GALNT17: variants seen among roughly 807,000 people sequenced by gnomAD.
GALNT17 encodes the protein polypeptide N-acetylgalactosaminyltransferase 17.
GALNT17 carries 29 observed loss-of-function variants against 63.7 expected under a neutral mutation model. The ratio of observed to expected loss-of-function variants is 0.46; its 90% CI spans 0.34 to 0.62. The LOEUF (loss-of-function observed/expected upper bound fraction) is 0.62, where lower values mean the gene tolerates loss of function less well. Among genes scored for constraint, GALNT17 ranks in the 20% least tolerant of loss-of-function variants. The pLI is 0.01. For missense variants in GALNT17, 603 were observed against 799.6 expected, an observed-to-expected ratio of 0.75 and a Z score of 2.97; for synonymous variants, 305 against 318.3, an observed-to-expected ratio of 0.96 and a Z score of 0.45.
chr7:71,376,283 G>T lies in GALNT17; in HGVS notation c.423-11952G>T, dbSNP rs376215205. On this transcript the variant is annotated intron_variant, in intron 2 of 10. Coordinates refer to ENST00000333538, the MANE Select transcript of GALNT17 (RefSeq NM_022479.3). ...GGATTGAATACTATGTAAGAATAACGTAGGCAGCATTTCCTGTGCATGCAC... is the reference window on the plus strand; with the variant it reads ...GGATTGAATACTATGTAAGAATAACTTAGGCAGCATTTCCTGTGCATGCAC... Among the ~76,000 whole-genome samples, 18 of 150,822 alleles carry T rather than the reference G, an allele frequency of 1.2e-4. 1 individual carries two copies. Among genetic ancestry groups the T allele is most frequent in the East Asian group, 9.7e-4 (5 of 5,148 alleles).
intron 9 of GALNT17, among the ~76,000 whole-genome samples, chr7:71,696,348 A>C (rs1393804044): frequency 6.6e-6 from 1 of 152,076 alleles, no homozygotes; most frequent in Non-Finnish European, 1.5e-5. Flanking sequence ...CCTAGCCTCA[A>C]GTGATCCTCC....
intron 3 of GALNT17, among the ~76,000 whole-genome samples, chr7:71,403,615 C>T (rs1046545896): frequency 1.3e-5 from 2 of 152,152 alleles, no homozygotes; most frequent in East Asian, 1.9e-4. Flanking sequence ...ATGAGCATTT[C>T]GTTTGCGCAT....
chr7:71,495,723 C>T (rs1788083537), intron 5 of GALNT17, among the ~76,000 whole-genome samples: 1 of 152,166 alleles, frequency 6.6e-6, no homozygotes, highest in South Asian at 2.1e-4. Context: ...AGAGGCTGAT[C>T]ATTCCTCTGC....
At chr7:71,666,806 A>AT (rs754096589) in intron 7 of GALNT17, among the ~76,000 whole-genome samples, 91,108 of 152,044 alleles carry the variant, frequency 0.6, 28,400 homozygotes, top group East Asian at 0.99. Flanking sequence ...CTTTATTTGT[A>AT]TTTTTTATTG....
At chr7:71,307,901 A>T (rs1347172583) in intron 1 of GALNT17, 1 of 150,686 alleles carries the variant, frequency 6.6e-6, no homozygotes, top group African/African-American at 2.5e-5. Flanking sequence ...CTTCATTGGG[A>T]TGCTTAGATC....
chr7:71,216,566 A>C (rs1296362475), intron 1 of GALNT17, among the ~76,000 whole-genome samples: 1 of 137,610 alleles, frequency 7.3e-6, no homozygotes, highest in Admixed American at 7.2e-5. Flanking sequence ...TAACACACAT[A>C]TACACACACA....
chr7:71,595,148 G>A (rs1344080691), intron 6 of GALNT17, among the ~76,000 whole-genome samples: 2 of 152,170 alleles, frequency 1.3e-5, no homozygotes, highest in African/African-American at 4.8e-5. Flanking sequence ...AGGGTTGGAT[G>A]CAGTGGCCCA....
intron 5 of GALNT17, among the ~76,000 whole-genome samples, chr7:71,496,871 T>A (rs1393773027): frequency 6.6e-6 from 1 of 151,764 alleles, no homozygotes; most frequent in African/African-American, 2.4e-5. Flanking sequence ...GCCAGGAGTC[T>A]GAGACCAGCC....
At chr7:71,157,529 G>A (rs911086090) in intron 1 of GALNT17, among the ~76,000 whole-genome samples, 1 of 151,614 alleles carries the variant, frequency 6.6e-6, no homozygotes, top group South Asian at 2.1e-4. Context: ...ATGGTGGCAC[G>A]TCCCTATAAT....
At chr7:71,641,726 A>G (rs759301310) in intron 6 of GALNT17, among the ~76,000 whole-genome samples, 10 of 152,042 alleles carry the variant, frequency 6.6e-5, no homozygotes, top group African/African-American at 1.4e-4. Flanking sequence ...TGGACATTCA[A>G]TCCATTCCAG....
In GALNT17 at chr7:71,701,209, G is replaced by A. The variant is rs151309449; in HGVS notation, c.1501-9552G>A. On this transcript the variant is annotated intron_variant, in intron 9 of 10. Transcript: ENST00000333538. ...CTCAGAAAGAATATGACATTTGGCCGGTCACGATGGCTCACGCCTGTAATC... is the reference window on the plus strand; with the variant it reads ...CTCAGAAAGAATATGACATTTGGCCAGTCACGATGGCTCACGCCTGTAATC... 6.9e-3 allele frequency among the ~76,000 whole-genome samples: 1,057 copies of A among 152,216 alleles called. 14 individuals are homozygous for A. The highest frequency in any genetic ancestry group is 0.02 in the African/African-American group (835 of 41,536).
At chr7:71,209,457 G>T (rs889693395) in intron 1 of GALNT17, among the ~76,000 whole-genome samples, 2 of 152,066 alleles carry the variant, frequency 1.3e-5, no homozygotes, top group African/African-American at 4.8e-5. Flanking sequence ...CTTGCCCAAG[G>T]TTATATTTTA....
intron 6 of GALNT17, among the ~76,000 whole-genome samples, chr7:71,650,732 C>A (rs138709033): frequency 1.3e-5 from 2 of 152,306 alleles, no homozygotes; most frequent in African/African-American, 4.8e-5. Flanking sequence ...AAAGAAATGA[C>A]AGTAGAAGGA....
chr7:71,540,950 G>A (rs550818648), intron 5 of GALNT17, among the ~76,000 whole-genome samples: 3 of 152,032 alleles, frequency 2.0e-5, no homozygotes, highest in Admixed American at 1.3e-4. Flanking sequence ...CTAAAGAAAC[G>A]ATGGCCAGCC....
intron 3 of GALNT17, among the ~76,000 whole-genome samples, chr7:71,398,315 A>G (rs996225006): frequency 1.3e-5 from 2 of 151,822 alleles, no homozygotes; most frequent in Admixed American, 6.6e-5. Context: ...ATCTTTCGCT[A>G]TCTGATATTT....
intron 1 of GALNT17, among the ~76,000 whole-genome samples, chr7:71,209,356 T>C (rs1789333850): frequency 6.6e-6 from 1 of 152,194 alleles, no homozygotes; most frequent in South Asian, 2.1e-4. Flanking sequence ...TCTTTTCATA[T>C]ATAGGCTCAC....
chr7:71,458,555 C>T (rs1281164948), intron 5 of GALNT17, among the ~76,000 whole-genome samples: 1 of 152,214 alleles, frequency 6.6e-6, no homozygotes, highest in South Asian at 2.1e-4. Context: ...TTAACCAGCT[C>T]AGTGCCCTGT....
chr7:71,600,299 T>TAA (rs202191487), intron 6 of GALNT17, among the ~76,000 whole-genome samples: 3 of 142,642 alleles, frequency 2.1e-5, no homozygotes, highest in African/African-American at 7.8e-5. Flanking sequence ...GGGATGATAA[T>TAA]AAAAAAAAAA....
intron 9 of GALNT17, among the ~76,000 whole-genome samples, chr7:71,690,019 CTTT>C (rs36049127): frequency 7.0e-6 from 1 of 142,824 alleles, no homozygotes; most frequent in Non-Finnish European, 1.5e-5. Context: ...TACTGAATAT[CTTT>C]TTTTTTTTTT....
Sources: gnomAD v4.1 joint callset for allele counts (sites outside exome capture counted in the v4.1 genomes callset) on GRCh38, gnomAD v4.1.1 for gene constraint, MANE v1.5 for transcripts, NCBI Gene and HGNC (gene_info 2026-07-23, HGNC 2026-07-21) for gene names.